DIP2A: variants seen among roughly 807,000 people sequenced by gnomAD.
The protein encoded by DIP2A is disco-interacting protein 2 homolog A.
A neutral mutation model predicts 177.4 loss-of-function variants in DIP2A; 85 were observed. That is an observed-to-expected ratio of 0.48 (90% CI 0.40 to 0.57). DIP2A has a LOEUF of 0.57. Ranked by LOEUF, DIP2A falls within the 20% of genes least tolerant of loss-of-function variation. DIP2A has a pLI of 0.00. For missense variants in DIP2A, 1,791 were observed against 2,100.2 expected (o/e 0.85, Z 2.88); for synonymous variants, 886 against 881.8 (o/e 1.00, Z -0.08).
chr21:46,464,342 G>A (rs1391411569), intron 1 of DIP2A, among the ~76,000 whole-genome samples: 5 of 152,036 alleles, frequency 3.3e-5, no homozygotes, highest in African/African-American at 7.2e-5. Context: ...GCAGTGAGCC[G>A]AGATTGCACC....
chr21:46,511,771 G>A (rs1023356), intron 8 of DIP2A, among the ~76,000 whole-genome samples, 157 bp downstream of exon 8: 152,322 of 152,322 alleles, frequency 1, 76,161 homozygotes, highest in Non-Finnish European at 1. Context: ...CCATCCCACC[G>A]GAGGGGACCA....
intron 1 of DIP2A, among the ~76,000 whole-genome samples, chr21:46,460,073 A>G (rs2054168000): frequency 6.6e-6 from 1 of 152,112 alleles, no homozygotes; most frequent in Non-Finnish European, 1.5e-5. Flanking sequence ...TCATTTTATT[A>G]TCTATAAAGT....
chr21:46,508,454 G>C (rs1453985029), intron 6 of DIP2A, among the ~76,000 whole-genome samples: 1 of 149,524 alleles, frequency 6.7e-6, no homozygotes, highest in Non-Finnish European at 1.5e-5. Flanking sequence ...CGCCTCCCGG[G>C]TTCATGCCAT....
rs555023713 is a variant in DIP2A, at chr21:46,497,779, A to G, written c.403+672A>G. ...GAGATACTACACAATAAAACCAAAC[A>G]CACCAGATTCGTAAGATGATTTAGT... is the stretch of plus-strand genomic sequence containing the variant. On this transcript the variant is annotated intron_variant, in intron 4 of 37. Transcript: ENST00000417564. Among the ~76,000 whole-genome samples, 31 of 152,366 alleles carry G rather than the reference A, an allele frequency of 2.0e-4. 1 individual carries two copies. In the South Asian group the frequency reaches 5.6e-3, roughly 28 times the overall value.
Position 46,537,247 on chromosome 21 carries a change from G to T in DIP2A, c.1666G>T (p.Asp556Tyr). 6.2e-7 allele frequency: 1 copy of T among 1,614,034 alleles called. No individual in the cohort carries two copies. The highest frequency in any genetic ancestry group is 8.5e-7 in the Non-Finnish European group (1 of 1,179,898). The change falls in exon 14 of 38, where the codon GAT (aspartate) becomes TAT (tyrosine). Residue 556 changes from aspartate to tyrosine, a missense_variant. Physicochemically the swap from Asp to Tyr is radical, Grantham distance 160 (BLOSUM62 -3). Coordinates refer to ENST00000417564, the MANE Select transcript of DIP2A (RefSeq NM_015151.4). The surrounding 1 kb of genome is among the most constrained non-coding windows in gnomAD (Gnocchi z 4.1). ...AGCTGAAACATTAACAAACGTGCTG[G>T]ATTTCAAAAGGGATGCTGGTCTGTG... ...SEAETLTNVL[D>Y]FKRDAGLWHG...
At chr21:46,519,306 T>G (rs1325524103) in intron 8 of DIP2A, among the ~76,000 whole-genome samples, 1 of 152,128 alleles carries the variant, frequency 6.6e-6, no homozygotes, top group Non-Finnish European at 1.5e-5. Flanking sequence ...ACCTCCTATC[T>G]CATCCTGTGA....
In DIP2A at chr21:46,533,637, A is replaced by C. The variant is rs1437693712; in HGVS notation, c.1419A>C (p.Ala473=). The change falls in exon 11 of 38, where the codon GCA becomes GCC. Residue 473 remains alanine (A), a synonymous_variant. Transcript: ENST00000417564. ...CCAAGGCACAGACAGGAGAGGTGGC[A>C]GCTTTCAAAGGTGAGGCCTCCCAAG... ...GLPKAQTGEV[A]AFKGWPPLSW... 6.2e-7 allele frequency: 1 copy of C among 1,613,930 alleles called. No homozygotes were observed. Among genetic ancestry groups the C allele is most frequent in the Non-Finnish European group, 8.5e-7 (1 of 1,179,906 alleles).
chr21:46,558,140 C>T (rs774931544), intron 31 of DIP2A, 83 bp from the exon 32 acceptor site: 73 of 1,420,730 alleles, frequency 5.1e-5, no homozygotes, highest in Non-Finnish European at 6.6e-5. Context: ...GTGTGCCCAC[C>T]CGGAGATTTC....
rs1175581597 is a variant in DIP2A at position 46,554,760 on chromosome 21, G to A, written c.3277-62G>A. 2.6e-6 allele frequency: 4 copies of A among 1,544,906 alleles called. No homozygotes were observed. In the East Asian group the frequency reaches 9.8e-5, roughly 38 times the overall value. ...GGAGGCTGCAAGGCTGCCCTCCGCT[G>A]CCCCCTTTTCTGGGCAGCTTGAGAG... is the stretch of plus-strand genomic sequence containing the variant. On this transcript the variant is annotated intron_variant, in intron 27 of 37. Transcript: ENST00000417564.
At chr21:46,511,316 T>G in intron 7 of DIP2A, 101 bp from the exon 8 acceptor site, 1 of 1,214,792 alleles carries the variant, frequency 8.2e-7, no homozygotes, top group Non-Finnish European at 1.1e-6. Flanking sequence ...TTTTTTATAG[T>G]TGGGATTAAA....
intron 17 of DIP2A, 105 bp from the exon 18 acceptor site, chr21:46,541,651 G>A: frequency 7.5e-7 from 1 of 1,324,562 alleles, no homozygotes; most frequent in Non-Finnish European, 1.1e-6. Flanking sequence ...TCTGTAACAT[G>A]GAGCAGTGGC....
chr21:46,521,609 A>C (rs528441270), intron 8 of DIP2A, among the ~76,000 whole-genome samples: 1 of 152,380 alleles, frequency 6.6e-6, no homozygotes, highest in Admixed American at 6.5e-5. Context: ...AGACAAATCT[A>C]TTCAACCATA....
At chr21:46,460,032 G>A (rs749440070) in intron 1 of DIP2A, among the ~76,000 whole-genome samples, 2 of 152,156 alleles carry the variant, frequency 1.3e-5, no homozygotes, top group Non-Finnish European at 2.9e-5. Flanking sequence ...CTTGCCGCGC[G>A]CCTCATACTC....
chr21:46,563,908 C>T lies in DIP2A; in HGVS notation c.4140C>T (p.Pro1380=), dbSNP rs755210117. 5.6e-6 allele frequency: 9 copies of T among 1,613,628 alleles called. No individual in the cohort carries two copies. Among genetic ancestry groups the T allele is most frequent in the Non-Finnish European group, 7.6e-6 (9 of 1,179,854 alleles). Residue 1380 remains proline, a synonymous_variant, in exon 35 of 38, where the codon CCC becomes CCT. Transcript: ENST00000417564. This position sits in a 1 kb window ranked among gnomAD's most constrained non-coding sequence, Gnocchi z 4.3. ...VIIAHTETKG[P]LGDSHLGEIW... is the part of the protein sequence containing the mutation. ...TCGCACACACCGAGACCAAAGGACC[C>T]TTGGGAGACTCACACCTGGGAGAGG...
Position 46,464,817 on chromosome 21 carries a change from CTTTTTTTTTTTT to C in DIP2A, c.91+5611_91+5622del, listed in dbSNP as rs1168153777. 4.9e-4 allele frequency among the ~76,000 whole-genome samples: 36 copies of C among 73,442 alleles called. 2 individuals carry two copies. Among genetic ancestry groups the C allele is most frequent in the African/African-American group, 1.8e-3 (29 of 16,492 alleles). 48.2% of individuals were successfully genotyped at this position (73,442 alleles called of 152,430 possible). A position where few individuals can be genotyped will look rare whatever the true frequency, so the allele number is the denominator to read the frequency against. ...TCTTCCTTTTTCTTAATATTCATGT[CTTTTTTTTTTTT>C]TTTTTTTTTTTTTTTCAAGAAAACA... is the stretch of plus-strand genomic sequence containing the variant. On this transcript the variant is annotated intron_variant, in intron 1 of 37. Coordinates refer to ENST00000417564, the MANE Select transcript of DIP2A (RefSeq NM_015151.4).
Position 46,497,071 on chromosome 21 carries a change from C to T in DIP2A, c.367C>T (p.Leu123Phe), listed in dbSNP as rs1457124783. Reference protein sequence around the residue: ...MPMPSKRRSVLVHSSVETYTP... With the variant: ...MPMPSKRRSVFVHSSVETYTP... The stretch of plus-strand genomic sequence containing the variant: ...TATGCCTTCGAAGAGACGTTCTGTC[C>T]TTGTGCATTCGTCTGTGGAAACCTA... The change falls in exon 4 of 38, where the codon CTT becomes TTT. Residue 123 changes from leucine (L) to phenylalanine (F), a missense_variant. By Grantham distance (22) the Leu-to-Phe change is conservative (BLOSUM62 0). Coordinates refer to ENST00000417564, the MANE Select transcript of DIP2A (RefSeq NM_015151.4). The T allele has an allele frequency of 1.2e-6, 2 of 1,613,748 alleles. No homozygotes were observed. Among genetic ancestry groups the T allele is most frequent in the African/African-American group, 2.7e-5 (2 of 74,896 alleles).
intron 8 of DIP2A, among the ~76,000 whole-genome samples, chr21:46,517,055 T>TC (rs1491424684): frequency 0.011 from 269 of 24,604 alleles, 5 homozygotes; most frequent in African/African-American, 0.022. Context: ...TTTCTCTCTC[T>TC]TTTTTTTTTT....
Position 46,532,086 on chromosome 21 carries a change from A to C in DIP2A, c.1195-41A>C, listed in dbSNP as rs374951385. The C allele has an allele frequency of 5.1e-6, 8 of 1,569,168 alleles. No homozygotes were observed. The African/African-American group carries it at 9.6e-5, about 19-fold the overall frequency. On this transcript the variant is annotated intron_variant, in intron 9 of 37. Transcript: ENST00000417564. The stretch of plus-strand genomic sequence containing the variant: ...TTTTAATTTAACTAGATATTGTAAA[A>C]ATTGGAAATTTGGAATATTCATTTC...
At position 46,537,041 on chromosome 21, in the gene DIP2A, G is replaced by A. The variant is rs2059603845; in HGVS notation, c.1643-183G>A. The stretch of plus-strand genomic sequence containing the variant: ...GTTCCATGACCTTCTACTTTTATGT[G>A]TTTCCAGTAATTTGAATAGATAACC... On this transcript the variant is annotated intron_variant, in intron 13 of 37. Transcript: ENST00000417564. This position sits in a 1 kb window ranked among gnomAD's most constrained non-coding sequence, Gnocchi z 4.1. 6.6e-6 allele frequency among the ~76,000 whole-genome samples: 1 copy of A among 152,136 alleles called. No homozygotes were observed. Among genetic ancestry groups the A allele is most frequent in the Admixed American group, 6.5e-5 (1 of 15,272 alleles).
Sources: allele counts gnomAD v4.1 joint callset (sites outside exome capture counted in the v4.1 genomes callset), GRCh38; gene constraint gnomAD v4.1.1; non-coding constraint Gnocchi (gnomAD v3.1); transcripts MANE v1.5; gene names NCBI Gene and HGNC (gene_info 2026-07-23, HGNC 2026-07-21).